Variants in NALF1 observed in about 807,000 individuals in gnomAD.
The protein encoded by NALF1 is family with sequence similarity 155 member A.
Under a neutral mutation model 48.4 loss-of-function variants are expected in NALF1, and 3 were observed. The observed-to-expected ratio is 0.06, with a 90% CI of 0.03 to 0.16. The LOEUF (loss-of-function observed/expected upper bound fraction) is 0.16. Among genes scored for constraint, NALF1 ranks in the 10% least tolerant of loss-of-function variants. The pLI is 1.00. For missense variants in NALF1, 526 were observed against 571.5 expected, an observed-to-expected ratio of 0.92 and a Z score of 0.81; for synonymous variants, 262 against 245.7, an observed-to-expected ratio of 1.07 and a Z score of -0.62.
chr13:107,791,904 G>A (rs1236845879), intron 1 of NALF1, among the ~76,000 whole-genome samples: 1 of 152,106 alleles, frequency 6.6e-6, no homozygotes, highest in African/African-American at 2.4e-5. Context: ...AGTTTGCAGT[G>A]AGCTGAGATC....
At chr13:107,672,025 C>T (rs543735880) in intron 1 of NALF1, among the ~76,000 whole-genome samples, 100 of 152,156 alleles carry the variant, frequency 6.6e-4, no homozygotes, top group African/African-American at 2.3e-3. Context: ...CTCATTGGTT[C>T]GTAAGAATGA....
At chr13:107,746,911 C>T (rs1215913406) in intron 1 of NALF1, among the ~76,000 whole-genome samples, 6 of 152,070 alleles carry the variant, frequency 3.9e-5, no homozygotes, top group Non-Finnish European at 7.4e-5. Context: ...GGAATAGAGA[C>T]GTAAATGTAA....
intron 2 of NALF1, among the ~76,000 whole-genome samples, chr13:107,180,303 C>T (rs1879034800): frequency 6.6e-6 from 1 of 151,942 alleles, no homozygotes; most frequent in Non-Finnish European, 1.5e-5. Context: ...AATAAAGTTC[C>T]TTTATTCTAA....
intron 1 of NALF1, among the ~76,000 whole-genome samples, chr13:107,764,757 A>C (rs1197449789): frequency 2.0e-5 from 3 of 152,192 alleles, no homozygotes; most frequent in African/African-American, 7.2e-5. Context: ...AAACAGTGCC[A>C]AATGTCCAGT....
rs558290927 is a variant in NALF1 at position 107,217,711 on chromosome 13, G to A, written c.916-6956C>T. The stretch of plus-strand genomic sequence containing the variant: ...CGCTCCACAGCTCTTCAATCACCAC[G>A]CCCTGTGAGCCTGCTTCCTCAATAG... On this transcript the variant is annotated intron_variant, in intron 1 of 2. Coordinates refer to ENST00000375915, the MANE Select transcript of NALF1 (RefSeq NM_001080396.3). Among the ~76,000 whole-genome samples, 4 of 152,138 alleles carry A rather than the reference G, an allele frequency of 2.6e-5. No homozygotes were observed. The South Asian group carries it at 6.2e-4, about 24-fold the overall frequency.
chr13:107,204,406 G>C (rs534887516), intron 2 of NALF1, among the ~76,000 whole-genome samples: 160 of 151,758 alleles, frequency 1.1e-3, no homozygotes, highest in African/African-American at 3.6e-3. Flanking sequence ...TTAGCCACTT[G>C]TGGAGGTGAG....
chr13:107,472,639 T>C (rs1175629411), intron 1 of NALF1, among the ~76,000 whole-genome samples: 1 of 152,174 alleles, frequency 6.6e-6, no homozygotes, highest in African/African-American at 2.4e-5. Flanking sequence ...GGATGCTTCC[T>C]GCCCTTGAAC....
chr13:107,345,434 T>A (rs1407394203), intron 1 of NALF1, among the ~76,000 whole-genome samples: 1 of 152,114 alleles, frequency 6.6e-6, no homozygotes, highest in Non-Finnish European at 1.5e-5. Context: ...ATTAAAAGGG[T>A]ATGGTATTGG....
intron 1 of NALF1, among the ~76,000 whole-genome samples, chr13:107,502,572 C>A (rs892888109): frequency 6.6e-6 from 1 of 152,162 alleles, no homozygotes; most frequent in Admixed American, 6.5e-5. Context: ...ATTCTAAACT[C>A]CTTAACCCTT....
intron 1 of NALF1, among the ~76,000 whole-genome samples, chr13:107,585,750 C>T (rs1232662335): frequency 6.6e-6 from 1 of 152,056 alleles, no homozygotes; most frequent in Non-Finnish European, 1.5e-5. Flanking sequence ...CTCAGAACAA[C>T]AAAACATCAC....
intron 1 of NALF1, among the ~76,000 whole-genome samples, chr13:107,850,588 A>AATGTTTGGAAAGCG (rs1242597964): frequency 6.6e-6 from 1 of 152,146 alleles, no homozygotes; most frequent in Non-Finnish European, 1.5e-5. Flanking sequence ...AATACAGAAC[A>AATGTTTGGAAAGCG]ATGTTTGGAA....
chr13:107,503,909 T>C (rs1275994873), intron 1 of NALF1, among the ~76,000 whole-genome samples: 1 of 148,530 alleles, frequency 6.7e-6, no homozygotes, highest in Non-Finnish European at 1.5e-5. Flanking sequence ...TATTGCATCT[T>C]CTCACTTACA....
chr13:107,458,950 T>G (rs1343190704), intron 1 of NALF1, among the ~76,000 whole-genome samples: 1 of 152,010 alleles, frequency 6.6e-6, no homozygotes, highest in Non-Finnish European at 1.5e-5. Context: ...CTTAGTAAGA[T>G]CTTGCCTGAG....
chr13:107,583,017 T>G (rs946161654), intron 1 of NALF1, among the ~76,000 whole-genome samples: 1 of 152,154 alleles, frequency 6.6e-6, no homozygotes, highest in Non-Finnish European at 1.5e-5. Context: ...TCATCATTTA[T>G]GGCTTGAAAT....
At position 107,507,639 on chromosome 13, in the gene NALF1, A is replaced by G. The variant is rs867612241; in HGVS notation, c.916-296884T>C. On this transcript the variant is annotated intron_variant, in intron 1 of 2. Coordinates refer to ENST00000375915, the MANE Select transcript of NALF1 (RefSeq NM_001080396.3). ...AAAAAAAAAGGGGCAAACACACCCAAGACAGTAGGGATTGCAGAGCGACTT... is the reference window on the plus strand; with the variant it reads ...AAAAAAAAAGGGGCAAACACACCCAGGACAGTAGGGATTGCAGAGCGACTT... Among the ~76,000 whole-genome samples the G allele has an allele frequency of 3.7e-4, 55 of 147,966 alleles. No individual in the cohort carries two copies. In the Middle Eastern group the frequency reaches 0.011, roughly 30 times the overall value.
At chr13:107,364,613 G>A (rs1380333129) in intron 1 of NALF1, among the ~76,000 whole-genome samples, 4 of 152,128 alleles carry the variant, frequency 2.6e-5, no homozygotes, top group Non-Finnish European at 4.4e-5. Flanking sequence ...ATAGAGTACC[G>A]ACCCAATACA....
chr13:107,738,553 CTT>C (rs1183340682), intron 1 of NALF1, among the ~76,000 whole-genome samples: 3 of 152,184 alleles, frequency 2.0e-5, no homozygotes, highest in African/African-American at 7.2e-5. Context: ...TACAATATCA[CTT>C]TGTGTAATAA....
At chr13:107,593,590 C>T (rs1283724639) in intron 1 of NALF1, among the ~76,000 whole-genome samples, 2 of 151,830 alleles carry the variant, frequency 1.3e-5, no homozygotes, top group Admixed American at 6.6e-5. Flanking sequence ...GTCTATCTCC[C>T]CAAATTTTGT....
chr13:107,565,402 TA>T (rs1296463515), intron 1 of NALF1, among the ~76,000 whole-genome samples: 1 of 105,238 alleles, frequency 9.5e-6, no homozygotes, highest in African/African-American at 3.2e-5. Context: ...AAAAAAAAAG[TA>T]AAAAAGATTA....
Sources: gnomAD v4.1 joint callset for allele counts (sites outside exome capture counted in the v4.1 genomes callset) on GRCh38, gnomAD v4.1.1 for gene constraint, MANE v1.5 for transcripts, NCBI Gene and HGNC (gene_info 2026-07-23, HGNC 2026-07-21) for gene names.